PRDM10: variants seen among roughly 807,000 people sequenced by gnomAD.
The protein encoded by PRDM10 is PR domain zinc finger protein 10.
In PRDM10, 65 loss-of-function variants were observed where a neutral mutation model predicts 133.1. The observed-to-expected ratio is 0.49, with a 90% CI of 0.40 to 0.60. The LOEUF is 0.60. Ranked by LOEUF, PRDM10 falls within the 20% of genes least tolerant of loss-of-function variation. PRDM10 has a pLI of 0.00. For synonymous variants in PRDM10, 582 were observed against 580.4 expected, an observed-to-expected ratio of 1.00 and a Z score of -0.04; for missense variants, 1,137 against 1,507.1, an observed-to-expected ratio of 0.75 and a Z score of 4.07.
At position 129,923,520 on chromosome 11, in the gene PRDM10, C is replaced by T. The variant is rs982371473; in HGVS notation, c.1879-117G>A. The T allele has an allele frequency of 4.2e-5, 46 of 1,108,392 alleles. No homozygotes were observed. The highest frequency in any genetic ancestry group is 3.5e-4 in the African/African-American group (22 of 62,542). 68.7% of individuals were successfully genotyped at this position (1,108,392 alleles called of 1,614,324 possible). On this transcript the variant is annotated intron_variant, in intron 12 of 20. Coordinates refer to ENST00000360871, the MANE Select transcript of PRDM10 (RefSeq NM_199437.2). This position sits in a 1 kb window ranked among gnomAD's most constrained non-coding sequence, Gnocchi z 4.4. ...CATTACCATGGGTTTTCATCAACCC[C>T]GCCGAGGAATCCAATCAGATGTGAT... is the stretch of plus-strand genomic sequence containing the variant.
intron 17 of PRDM10, among the ~76,000 whole-genome samples, 183 bp from the exon 18 acceptor site, chr11:129,912,408 C>A (rs552750019): frequency 5.3e-5 from 8 of 151,914 alleles, no homozygotes; most frequent in African/African-American, 1.9e-4. Flanking sequence ...AGTTCGAGAC[C>A]AGCCTGGGCA....
intron 11 of PRDM10, 102 bp from the exon 12 acceptor site, chr11:129,925,331 C>T: frequency 8.8e-7 from 1 of 1,134,850 alleles, no homozygotes; most frequent in East Asian, 2.6e-5. Context: ...CAATCACAGA[C>T]TTCCCATAGA....
intron 2 of PRDM10, among the ~76,000 whole-genome samples, chr11:129,959,233 C>T (rs963024336): frequency 9.9e-5 from 15 of 152,142 alleles, no homozygotes; most frequent in African/African-American, 2.7e-4. Flanking sequence ...AACAAACTTC[C>T]ACCTCTACAC....
rs765198059 is a variant in PRDM10, at chr11:129,910,643, G to A, written c.2996C>T (p.Pro999Leu). 10 of 1,578,068 alleles carry A rather than the reference G, an allele frequency of 6.3e-6. No individual in the cohort carries two copies. The highest frequency in any genetic ancestry group is 4.1e-5 in the African/African-American group (3 of 73,534). Residue 999 changes from proline (P) to leucine (L), a missense_variant, in exon 19 of 21, where the codon CCG (proline) becomes CTG (leucine). Pro to Leu is a moderately conservative substitution (Grantham distance 98). This residue lies in a region of PRDM10 where 243 missense variants were observed against 259.2 expected (regional missense o/e 0.94). Coordinates refer to ENST00000360871, the MANE Select transcript of PRDM10 (RefSeq NM_199437.2). The stretch of plus-strand genomic sequence containing the variant: ...AGCCTGCTGGGCTGAGGGACTCAAC[G>A]GCTGCCCAGATACCTGGGGAGAAAG... The part of the protein sequence containing the change: ...APSSAQVSGQ[P>L]LSPSAQQAQQ...
At chr11:129,905,763 T>C (rs1470128537) in intron 19 of PRDM10, 22 bp from the exon 20 acceptor site, 4 of 1,593,514 alleles carry the variant, frequency 2.5e-6, no homozygotes, top group African/African-American at 2.7e-5. Context: ...GAAATATTCA[T>C]AGTTCAGTGG....
intron 11 of PRDM10, among the ~76,000 whole-genome samples, chr11:129,925,500 A>G (rs1950649754): frequency 6.6e-6 from 1 of 152,170 alleles, no homozygotes; most frequent in African/African-American, 2.4e-5. Flanking sequence ...GGGTTTAAGT[A>G]ACAAAAAAAG....
rs1053391344 is a variant in PRDM10, at chr11:129,960,975, C to T, written c.-11G>A. 2 of 1,614,026 alleles carry T rather than the reference C, an allele frequency of 1.2e-6. No individual in the cohort carries two copies. The highest frequency in any genetic ancestry group is 2.2e-5 in the South Asian group (2 of 91,080). On this transcript the variant is annotated 5_prime_UTR_variant, in exon 2 of 21. Transcript: ENST00000360871. ...ATCTTTGGAATCCATCTTCTCCCAA[C>T]TGGACAGCTCCACGTCTGGCACACC...
At chr11:129,998,385 A>G (rs78439173) in intron 1 of PRDM10, among the ~76,000 whole-genome samples, 16,410 of 151,528 alleles carry the variant, frequency 0.11, 1,648 homozygotes, top group East Asian at 0.43. Flanking sequence ...TTAAAAAAAA[A>G]GGGGGGGAGG....
intron 1 of PRDM10, among the ~76,000 whole-genome samples, chr11:129,973,021 C>T (rs1937605628): frequency 6.6e-6 from 1 of 152,134 alleles, no homozygotes; most frequent in South Asian, 2.1e-4. Flanking sequence ...CCTTTTTCTT[C>T]CTTTATTTGT....
At position 129,912,134 on chromosome 11, in the gene PRDM10, T is replaced by C. The variant is rs769373249; in HGVS notation, c.2933A>G (p.Gln978Arg). Residue 978 changes from glutamine to arginine, a missense_variant, in exon 18 of 21, where the codon CAG becomes CGG. Around this residue, in one of 6 missense-constraint regions of PRDM10, gnomAD observed 243 missense variants for 259.2 expected, o/e 0.94. Coordinates refer to ENST00000360871, the MANE Select transcript of PRDM10 (RefSeq NM_199437.2). ...GGTAGGCTCGCTGACCTGGATGTGC[T>C]GCACCTGGATGGCGTGCTGGGGGTA... ...QPYPQHAIQVQHIQVSEPTAS... is the reference protein window; with the variant it reads ...QPYPQHAIQVRHIQVSEPTAS... 1 of 1,613,248 alleles carries C rather than the reference T, an allele frequency of 6.2e-7. No individual in the cohort carries two copies. The highest frequency in any genetic ancestry group is 1.1e-5 in the South Asian group (1 of 90,966).
chr11:129,909,557 C>T (rs1216662976), intron 19 of PRDM10, among the ~76,000 whole-genome samples: 2 of 152,066 alleles, frequency 1.3e-5, no homozygotes, highest in South Asian at 2.1e-4. Flanking sequence ...ATGACAAAGA[C>T]GGGCCCCCAA....
At chr11:129,954,070 G>A (rs750939223) in intron 4 of PRDM10, among the ~76,000 whole-genome samples, 121 of 150,390 alleles carry the variant, frequency 8.0e-4, no homozygotes, top group Non-Finnish European at 1.3e-3. Flanking sequence ...TTACATTGCC[G>A]TTCACTGCCA....
chr11:129,988,775 G>T (rs1213757514), intron 1 of PRDM10, among the ~76,000 whole-genome samples: 1 of 151,804 alleles, frequency 6.6e-6, no homozygotes, highest in South Asian at 2.1e-4. Flanking sequence ...AACTACAGGC[G>T]TCCGCCACCA....
intron 10 of PRDM10, among the ~76,000 whole-genome samples, chr11:129,931,600 G>C (rs1950864792): frequency 7.0e-6 from 1 of 142,758 alleles, no homozygotes; most frequent in Admixed American, 7.2e-5. Flanking sequence ...ACGGAGTCTC[G>C]CTCTGTCCCC....
intron 1 of PRDM10, among the ~76,000 whole-genome samples, chr11:129,976,214 T>G (rs1937747977): frequency 6.6e-6 from 1 of 152,198 alleles, no homozygotes; most frequent in Non-Finnish European, 1.5e-5. Flanking sequence ...CTAGGTTTCC[T>G]TCTTGGATCT....
In PRDM10 at chr11:129,916,152, CA is replaced by C. The variant is rs1480708065; in HGVS notation, c.2326-293del. 2.0e-5 allele frequency among the ~76,000 whole-genome samples: 3 copies of C among 152,120 alleles called. No individual in the cohort carries two copies. In the East Asian group the frequency reaches 5.8e-4, roughly 29 times the overall value. ...AAGTTTAAAATTTGGATATGATACA[CA>C]GACAGAGGAAGATAATTGTTTTTAA... On this transcript the variant is annotated intron_variant, in intron 15 of 20. Coordinates refer to ENST00000360871, the MANE Select transcript of PRDM10 (RefSeq NM_199437.2).
At chr11:129,920,955 G>A (rs1022741954) in intron 13 of PRDM10, among the ~76,000 whole-genome samples, 6 of 152,080 alleles carry the variant, frequency 3.9e-5, no homozygotes, top group Admixed American at 6.5e-5. Context: ...GCACCACCAC[G>A]CCTGGCTACT....
chr11:129,940,937 G>C (rs1049918271), intron 7 of PRDM10, among the ~76,000 whole-genome samples: 1 of 152,054 alleles, frequency 6.6e-6, no homozygotes, highest in Non-Finnish European at 1.5e-5. Flanking sequence ...TCTATCTACT[G>C]GTTTAAAAGA....
In PRDM10 at chr11:129,901,246, T is replaced by C. The variant is rs1949836432; in HGVS notation, c.*1067A>G. On this transcript the variant is annotated 3_prime_UTR_variant, in exon 21 of 21. Coordinates refer to ENST00000360871, the MANE Select transcript of PRDM10 (RefSeq NM_199437.2). Reference sequence around the variant, plus strand: ...TAAAAGGTCTAGATGAGTCACAATATGTTTAAAGTTAAAAATGTTAATAAA... The same window carrying C: ...TAAAAGGTCTAGATGAGTCACAATACGTTTAAAGTTAAAAATGTTAATAAA... The C allele has an allele frequency of 6.6e-6, 1 of 152,652 alleles. No individual in the cohort carries two copies. Among genetic ancestry groups the C allele is most frequent in the Non-Finnish European group, 1.5e-5 (1 of 68,038 alleles). 9.5% of individuals were successfully genotyped at this position (152,652 alleles called of 1,614,324 possible).
Sources: gnomAD v4.1 joint callset for allele counts (sites outside exome capture counted in the v4.1 genomes callset) on GRCh38, gnomAD v4.1.1 for gene constraint, gnomAD v4.1.1 regional missense constraint, Gnocchi (gnomAD v3.1) non-coding constraint, MANE v1.5 for transcripts, NCBI Gene and HGNC (gene_info 2026-07-23, HGNC 2026-07-21) for gene names.